PHKA1: variants seen among roughly 807,000 people sequenced by gnomAD.
PHKA1 encodes the protein phosphorylase kinase regulatory subunit alpha 1.
In PHKA1, 60 loss-of-function variants were observed where a neutral mutation model predicts 110.2. The ratio of observed to expected loss-of-function variants is 0.54; its 90% confidence interval spans 0.44 to 0.68. The LOEUF is 0.68. PHKA1 is among the 30% of genes least tolerant of loss of function. The probability of loss-of-function intolerance (pLI) is 0.00; values close to 1 mark genes in which losing one functional copy is unlikely to be tolerated. For synonymous variants in PHKA1, 316 were observed against 333.6 expected (o/e 0.95, Z 0.58); for missense variants, 801 against 942.5 (o/e 0.85, Z 1.97).
At chrX:72,710,714 G>T (rs2054359184) in intron 2 of PHKA1, among the ~76,000 whole-genome samples, 1 of 110,469 alleles carries the variant, frequency 9.1e-6, no homozygotes, top group Non-Finnish European at 1.9e-5. Context: ...TGGTATGAAA[G>T]GTATTTTTTG....
chrX:72,636,359 C>T lies in PHKA1; in HGVS notation c.1487G>A (p.Gly496Glu), dbSNP rs2053229918. Residue 496 changes from glycine (G) to glutamate (E), a missense_variant, in exon 15 of 32, where the codon GGA (glycine) becomes GAA (glutamate). By Grantham distance (98) the Gly-to-Glu change is moderately conservative. Around this residue, in one of 2 missense-constraint regions of PHKA1, gnomAD observed 299 missense variants for 423.3 expected, o/e 0.71. Transcript: ENST00000373542. ...CACTCCCATGTGTCTGTAGGGTCGT[C>T]CACTGAGTTTCATTCTATTGTTGCA... The part of the protein sequence containing the change: ...LGCNNRMKLS[G>E]RPYRHMGVLG... 2 of 1,190,010 alleles carry T rather than the reference C, an allele frequency of 1.7e-6. No individual in the cohort carries two copies. Among genetic ancestry groups the T allele is most frequent in the East Asian group, 5.9e-5 (2 of 33,764 alleles).
chrX:72,643,947 T>C (rs1163103555), intron 14 of PHKA1, among the ~76,000 whole-genome samples: 2 of 111,784 alleles, frequency 1.8e-5, no homozygotes, highest in Non-Finnish European at 3.8e-5. Context: ...TAAAAATAAG[T>C]ATTATATTAA....
intron 14 of PHKA1, among the ~76,000 whole-genome samples, chrX:72,643,554 T>G (rs2053323915): frequency 8.9e-6 from 1 of 111,969 alleles, no homozygotes; most frequent in African/African-American, 3.2e-5. Flanking sequence ...ATCTATTCCT[T>G]GCCTCTTCCA....
At chrX:72,582,064 A>G (rs139629656) in intron 31 of PHKA1, among the ~76,000 whole-genome samples, 344 of 112,387 alleles carry the variant, frequency 3.1e-3, no homozygotes, top group Non-Finnish European at 4.9e-3. Flanking sequence ...GTTTCTTATT[A>G]AGTCCTTAAA....
Position 72,667,381 on chromosome X carries a change from G to A in PHKA1, c.711C>T (p.His237=), listed in dbSNP as rs782168291. The A allele has an allele frequency of 1.7e-6, 2 of 1,196,436 alleles. No individual in the cohort carries two copies. Among genetic ancestry groups the A allele is most frequent in the Admixed American group, 2.2e-5 (1 of 45,988 alleles). ...ATTTTCCATAATATTTTACCTGGCA[G>A]TGCTGTACTTCATCAGCCAGGACAT... ...VIHVLADEVQ[H]CQSILNSLLP... The change falls in exon 7 of 32, where the codon CAC becomes CAT. Residue 237 remains histidine (H), a synonymous_variant. Coordinates refer to ENST00000373542, the MANE Select transcript of PHKA1 (RefSeq NM_002637.4).
At chrX:72,608,327 A>G (rs1009350749) in intron 23 of PHKA1, among the ~76,000 whole-genome samples, 1 of 110,859 alleles carries the variant, frequency 9.0e-6, no homozygotes, top group Non-Finnish European at 1.9e-5. Context: ...CCTCTTTACT[A>G]TTTCCTCTCC....
intron 29 of PHKA1, among the ~76,000 whole-genome samples, chrX:72,591,541 C>T (rs1305949816): frequency 9.1e-6 from 1 of 110,085 alleles, no homozygotes; most frequent in East Asian, 2.8e-4. Context: ...GCTCATGTAC[C>T]CTAGAACTTA....
chrX:72,605,312 T>C lies in PHKA1; in HGVS notation c.2774A>G (p.Gln925Arg). The C allele has an allele frequency of 2.5e-6, 3 of 1,205,652 alleles. No individual in the cohort carries two copies. The highest frequency in any genetic ancestry group is 3.4e-6 in the Non-Finnish European group (3 of 889,953). ...MFRLRIGLII[Q>R]VMATELAHSL... The stretch of plus-strand genomic sequence containing the variant: ...GTGGGCCAGTTCTGTTGCCATAACT[T>C]GTATGATCAGACCAATTCGAAGTCG... Residue 925 changes from glutamine (Q) to arginine (R), a missense_variant, in exon 25 of 32, where the codon CAA becomes CGA. Gln to Arg is a conservative substitution (Grantham distance 43). This residue lies in a region of PHKA1 where 502 missense variants were observed against 519.2 expected (regional missense o/e 0.97). Transcript: ENST00000373542.
intron 2 of PHKA1, among the ~76,000 whole-genome samples, chrX:72,711,170 C>G (rs2054376285): frequency 9.0e-6 from 1 of 111,007 alleles, no homozygotes; most frequent in South Asian, 3.8e-4. Context: ...CTGTTAAATT[C>G]TTTATAACTG....
intron 14 of PHKA1, among the ~76,000 whole-genome samples, chrX:72,643,843 A>C (rs1380078242): frequency 9.0e-6 from 1 of 111,711 alleles, no homozygotes; most frequent in East Asian, 2.8e-4. Flanking sequence ...AGTAGTTTAG[A>C]ATTTCTTTTA....
In PHKA1 at chrX:72,620,782, G is replaced by A; in HGVS notation, c.2080C>T (p.Gln694Ter). 1 of 1,210,454 alleles carries A rather than the reference G, an allele frequency of 8.3e-7. No homozygotes were observed. Among genetic ancestry groups the A allele is most frequent in the Admixed American group, 2.2e-5 (1 of 45,928 alleles). ...AAGGACATTAAGTCGCAGGTTGTTT[G>A]CACAGCAGCTTGGAACCGATCTAGC... is the stretch of plus-strand genomic sequence containing the variant. ...GGLDRFQAAV[Q>*]TTCDLMSLVT... The change falls in exon 19 of 32, where the codon CAA becomes TAA. Residue 694 changes from glutamine (Q) to a stop codon, truncating the protein, a stop_gained. Coordinates refer to ENST00000373542, the MANE Select transcript of PHKA1 (RefSeq NM_002637.4). LOFTEE classifies it high-confidence loss of function.
chrX:72,702,343 A>G (rs1331245982), intron 3 of PHKA1, among the ~76,000 whole-genome samples: 1 of 110,540 alleles, frequency 9.0e-6, no homozygotes, highest in Admixed American at 9.6e-5. Flanking sequence ...CCAGCTACTC[A>G]GGAGGCTAAG....
chrX:72,704,530 A>G (rs2054251911), intron 3 of PHKA1, among the ~76,000 whole-genome samples: 3 of 111,110 alleles, frequency 2.7e-5, no homozygotes, highest in African/African-American at 9.8e-5. Flanking sequence ...TAAATTCTAA[A>G]GTTGATGGCC....
At chrX:72,626,133 A>G (rs1201146712) in intron 17 of PHKA1, among the ~76,000 whole-genome samples, 1 of 108,452 alleles carries the variant, frequency 9.2e-6, no homozygotes, top group Admixed American at 1.0e-4. Flanking sequence ...GTGTGTGTGT[A>G]TATGCATATG....
intron 29 of PHKA1, 28 bp from the exon 30 acceptor site, chrX:72,584,330 C>T: frequency 8.5e-7 from 1 of 1,177,878 alleles, no homozygotes; most frequent in Non-Finnish European, 1.2e-6. Flanking sequence ...AACCATATCA[C>T]CAAAAACCAT....
chrX:72,615,752 GGGAAGGAAGGAA>G (rs563484322), intron 21 of PHKA1, among the ~76,000 whole-genome samples: 44 of 33,471 alleles, frequency 1.3e-3, no homozygotes, highest in Middle Eastern at 0.037. Context: ...GAAGGAGGGG[GGGAAGGAAGGAA>G]GGAAGGAAGG....
intron 6 of PHKA1, among the ~76,000 whole-genome samples, chrX:72,672,680 A>C (rs1192085878): frequency 2.7e-5 from 3 of 111,984 alleles, no homozygotes; most frequent in African/African-American, 9.7e-5. Context: ...AATTTTGGTG[A>C]GGGGGGACCA....
chrX:72,639,228 G>A (rs192179382), intron 14 of PHKA1, among the ~76,000 whole-genome samples: 28 of 111,944 alleles, frequency 2.5e-4, no homozygotes, highest in African/African-American at 7.8e-4. Flanking sequence ...GTACTTGTAC[G>A]AATGTTATAT....
Position 72,636,314 on chromosome X carries a change from T to C in PHKA1, c.1532A>G (p.Tyr511Cys). The change falls in exon 15 of 32, where the codon TAT becomes TGT. Residue 511 changes from tyrosine to cysteine, a missense_variant. Tyr to Cys is a radical substitution (Grantham distance 194). Around this residue, in one of 2 missense-constraint regions of PHKA1, gnomAD observed 299 missense variants for 423.3 expected, o/e 0.71. Coordinates refer to ENST00000373542, the MANE Select transcript of PHKA1 (RefSeq NM_002637.4). ...AGTAAAGATAGTTTTCCGAATGTCA[T>C]AGAGTTTTGAAGTTCCAAGCACTCC... ...HMGVLGTSKL[Y>C]DIRKTIFTFT... The C allele has an allele frequency of 2.5e-6, 3 of 1,204,484 alleles. No individual in the cohort carries two copies. The highest frequency in any genetic ancestry group is 3.4e-6 in the Non-Finnish European group (3 of 888,669).
Sources: allele counts gnomAD v4.1 joint callset (sites outside exome capture counted in the v4.1 genomes callset), GRCh38; gene constraint gnomAD v4.1.1; regional missense constraint gnomAD v4.1.1; transcripts MANE v1.5; gene names NCBI Gene and HGNC (gene_info 2026-07-23, HGNC 2026-07-21).